Variants in PLSCR2 observed in about 807,000 individuals in gnomAD.
The protein encoded by PLSCR2 is phospholipid scramblase 2.
Under a neutral mutation model 25.3 loss-of-function variants are expected in PLSCR2, and 18 were observed. The ratio of observed to expected loss-of-function variants is 0.71; its 90% CI spans 0.49 to 1.06. The LOEUF is 1.06. Among genes scored for constraint, PLSCR2 ranks in the 50% least tolerant of loss-of-function variants. The pLI, the probability that PLSCR2 is intolerant of heterozygous loss-of-function variation, is 0.00. For synonymous variants in PLSCR2, 88 were observed against 87.3 expected (o/e 1.01, Z -0.04); for missense variants, 243 against 269.5 (o/e 0.90, Z 0.69).
At chr3:146,465,526 C>A (rs1448503757) in intron 1 of PLSCR2, among the ~76,000 whole-genome samples, 1 of 149,764 alleles carries the variant, frequency 6.7e-6, no homozygotes, top group Non-Finnish European at 1.5e-5. Flanking sequence ...TAACCTAAAC[C>A]TAGTTATGCC....
chr3:146,433,855 G>A (rs1001615220), intron 8 of PLSCR2, among the ~76,000 whole-genome samples: 1 of 152,142 alleles, frequency 6.6e-6, no homozygotes, highest in African/African-American at 2.4e-5. Context: ...TTTGCCATTT[G>A]GGGTTATTGG....
chr3:146,481,101 T>C (rs1046725505), intron 1 of PLSCR2, among the ~76,000 whole-genome samples: 13 of 151,710 alleles, frequency 8.6e-5, no homozygotes, highest in African/African-American at 2.9e-4. Flanking sequence ...TAAGAGCTAT[T>C]TTGGACAAAC....
intron 3 of PLSCR2, among the ~76,000 whole-genome samples, chr3:146,393,911 T>C (rs570453684): frequency 1.3e-5 from 2 of 152,184 alleles, no homozygotes; most frequent in African/African-American, 4.8e-5. Context: ...TTATATCTAG[T>C]ATAAATGAAG....
exon 1 of PLSCR2, chr3:146,460,228 T>C: frequency 7.2e-7 from 1 of 1,386,918 alleles, no homozygotes; most frequent in African/African-American, 1.5e-5. Flanking sequence ...TATCTTCAGA[T>C]ATGTTTTAAT....
downstream of PLSCR2, among the ~76,000 whole-genome samples, chr3:146,432,262 T>G (rs910015877): frequency 6.6e-6 from 1 of 152,180 alleles, no homozygotes; most frequent in Non-Finnish European, 1.5e-5. Flanking sequence ...CCTTTTGCCA[T>G]GTCAGCATCA....
chr3:146,482,299 T>C (rs905605468), intron 1 of PLSCR2, among the ~76,000 whole-genome samples: 1 of 152,054 alleles, frequency 6.6e-6, no homozygotes, highest in African/African-American at 2.4e-5. Flanking sequence ...ACCTACAGAA[T>C]GGGAGAAAAT....
chr3:146,435,564 T>C (rs2039792716), intron 8 of PLSCR2, among the ~76,000 whole-genome samples: 1 of 152,244 alleles, frequency 6.6e-6, no homozygotes, highest in African/African-American at 2.4e-5. Flanking sequence ...GCTGCATAAA[T>C]GTCTTCTTTT....
Position 146,392,369 on chromosome 3 carries a change from CT to C in PLSCR2, c.*146-808del, listed in dbSNP as rs540384316. On this transcript the variant is annotated intron_variant and NMD_transcript_variant, in intron 3 of 3. Transcript: ENST00000463633. ...GAGCATACATCATTAGAAATAAAAA[CT>C]TTAATACATGATAAACAAAAAATGG... Among the ~76,000 whole-genome samples the C allele has an allele frequency of 2.8e-4, 43 of 152,082 alleles. No homozygotes were observed. The East Asian group carries it at 7.7e-3, about 27-fold the overall frequency.
intron 6 of PLSCR2, among the ~76,000 whole-genome samples, 159 bp from the exon 7 acceptor site, chr3:146,441,980 T>C (rs2040269004): frequency 6.6e-6 from 1 of 152,094 alleles, no homozygotes; most frequent in African/African-American, 2.4e-5. Flanking sequence ...GTATAAGTTC[T>C]CTACCTTCAG....
downstream of PLSCR2, among the ~76,000 whole-genome samples, chr3:146,439,658 T>C (rs1401461556): frequency 6.6e-6 from 1 of 152,182 alleles, no homozygotes; most frequent in Non-Finnish European, 1.5e-5. Flanking sequence ...TTTATTCTAG[T>C]TAGCCATTCA....
intron 1 of PLSCR2, among the ~76,000 whole-genome samples, chr3:146,479,558 T>C (rs1254804322): frequency 1.3e-5 from 2 of 152,172 alleles, no homozygotes; most frequent in Non-Finnish European, 2.9e-5. Flanking sequence ...TAAATATATA[T>C]GCACCCAGTA....
At chr3:146,441,259 G>T (rs1280106339), downstream of PLSCR2, among the ~76,000 whole-genome samples, 1 of 152,016 alleles carries the variant, frequency 6.6e-6, no homozygotes, top group Non-Finnish European at 1.5e-5. Context: ...ACTTTTGCTT[G>T]AGAATATGCA....
chr3:146,404,332 A>G (rs1041675888), intron 2 of PLSCR2, among the ~76,000 whole-genome samples: 1 of 152,198 alleles, frequency 6.6e-6, no homozygotes, highest in Non-Finnish European at 1.5e-5. Context: ...GAGTGAACAT[A>G]TAAGAGAAGG....
Position 146,449,378 on chromosome 3 carries a change from A to G in PLSCR2, c.484-11T>C, listed in dbSNP as rs78896697. The G allele has an allele frequency of 7.2e-7, 1 of 1,398,502 alleles. No homozygotes were observed. The highest frequency in any genetic ancestry group is 9.6e-7 in the Non-Finnish European group (1 of 1,040,456). The allele number at this position is 1,398,502 out of a possible 1,614,324, so 86.6% of individuals were successfully genotyped here. A position where few individuals can be genotyped will look rare whatever the true frequency, so the allele number is the denominator to read the frequency against. ...ATCAAGAGATGTAATCTAAATTGCA[A>G]AAAAAAAAAAAACTTAAAAATTTCT... is the stretch of plus-strand genomic sequence containing the variant. On this transcript the variant is annotated splice_polypyrimidine_tract_variant and intron_variant, in intron 5 of 6. Coordinates refer to ENST00000610787, the Ensembl canonical transcript of PLSCR2.
At chr3:146,486,168 G>A (rs768516543) in intron 1 of PLSCR2, among the ~76,000 whole-genome samples, 8 of 152,150 alleles carry the variant, frequency 5.3e-5, no homozygotes, top group Non-Finnish European at 7.4e-5. Context: ...AGCTAAAGCC[G>A]TGTTAAGAGG....
intron 2 of PLSCR2, among the ~76,000 whole-genome samples, chr3:146,409,654 GC>G (rs2038780669): frequency 6.6e-6 from 1 of 152,094 alleles, no homozygotes; most frequent in African/African-American, 2.4e-5. Flanking sequence ...TCTGGAGCTT[GC>G]CTTTTTTAAG....
intron 1 of PLSCR2, among the ~76,000 whole-genome samples, chr3:146,483,991 C>G (rs2043251518): frequency 6.6e-6 from 1 of 151,642 alleles, no homozygotes; most frequent in African/African-American, 2.4e-5. Context: ...ACAAACTTCA[C>G]TGAGCTAAAG....
intron 1 of PLSCR2, among the ~76,000 whole-genome samples, chr3:146,478,439 G>C (rs1302484161): frequency 6.6e-6 from 1 of 152,162 alleles, no homozygotes; most frequent in African/African-American, 2.4e-5. Flanking sequence ...AGAACTTCAA[G>C]ATGCATGCAC....
At chr3:146,401,532 G>A (rs557759089) in intron 2 of PLSCR2, 6 of 152,484 alleles carry the variant, frequency 3.9e-5, no homozygotes, top group East Asian at 1.9e-4. Flanking sequence ...GATTTCATAC[G>A]TTTTACTAGT....
Sources: gnomAD v4.1 joint callset for allele counts (sites outside exome capture counted in the v4.1 genomes callset) on GRCh38, gnomAD v4.1.1 for gene constraint, MANE v1.5 for transcripts, NCBI Gene and HGNC (gene_info 2026-07-23, HGNC 2026-07-21) for gene names.